TRAF3: variants seen among roughly 807,000 people sequenced by gnomAD.
The protein encoded by TRAF3 is TNF receptor-associated factor 3.
In TRAF3, 13 loss-of-function variants were observed where a neutral mutation model predicts 62.3. The ratio of observed to expected loss-of-function variants is 0.21; its 90% CI spans 0.14 to 0.33. TRAF3 has a LOEUF of 0.33. Ranked by LOEUF, TRAF3 falls within the 10% of genes least tolerant of loss-of-function variation. The pLI is 1.00. For synonymous variants in TRAF3, 269 were observed against 283.4 expected, an observed-to-expected ratio of 0.95 and a Z score of 0.51; for missense variants, 440 against 741.8, an observed-to-expected ratio of 0.59 and a Z score of 4.73.
At chr14:102,833,999 A>AG (rs1885813247) in intron 2 of TRAF3, among the ~76,000 whole-genome samples, 1 of 149,954 alleles carries the variant, frequency 6.7e-6, no homozygotes, top group African/African-American at 2.5e-5. Context: ...GGGGGGAAAA[A>AG]AAAGAATATT....
intron 1 of TRAF3, among the ~76,000 whole-genome samples, chr14:102,797,061 T>C (rs1898131205): frequency 6.6e-6 from 1 of 152,120 alleles, no homozygotes; most frequent in African/African-American, 2.4e-5. Context: ...CAGAGGGTAG[T>C]AGGCAAGGCG....
intron 2 of TRAF3, among the ~76,000 whole-genome samples, chr14:102,867,740 A>G (rs1041832546): frequency 1.3e-4 from 20 of 152,216 alleles, no homozygotes; most frequent in African/African-American, 4.8e-4. Context: ...TAGCTTGGAA[A>G]GATTAGTGAG....
chr14:102,806,375 C>T (rs183122593), intron 1 of TRAF3, among the ~76,000 whole-genome samples: 5 of 152,252 alleles, frequency 3.3e-5, no homozygotes, highest in Admixed American at 6.5e-5. Flanking sequence ...GCCCAGAAGT[C>T]CATCAAGCCA....
At chr14:102,874,293 C>T (rs546878152) in intron 4 of TRAF3, among the ~76,000 whole-genome samples, 1 of 152,150 alleles carries the variant, frequency 6.6e-6, no homozygotes, top group African/African-American at 2.4e-5. Flanking sequence ...GTCTCACTCT[C>T]TTGCCCAGGC....
chr14:102,874,746 G>T (rs1204065098), intron 4 of TRAF3, among the ~76,000 whole-genome samples: 1 of 151,818 alleles, frequency 6.6e-6, no homozygotes, highest in Non-Finnish European at 1.5e-5. Context: ...TACCTGCCAG[G>T]CTAAAGCAGT....
At chr14:102,802,461 T>C (rs1397885301) in intron 1 of TRAF3, among the ~76,000 whole-genome samples, 3 of 146,798 alleles carry the variant, frequency 2.0e-5, no homozygotes, top group Non-Finnish European at 4.5e-5. Context: ...GCCAACTGTT[T>C]AAAGACATTT....
At chr14:102,835,027 T>C (rs1255812602) in intron 2 of TRAF3, among the ~76,000 whole-genome samples, 1 of 152,108 alleles carries the variant, frequency 6.6e-6, no homozygotes, top group East Asian at 1.9e-4. Flanking sequence ...ATCCAGCATC[T>C]ATAAGGAACT....
At chr14:102,901,195 C>T (rs532969807) in intron 10 of TRAF3, among the ~76,000 whole-genome samples, 43 of 152,164 alleles carry the variant, frequency 2.8e-4, no homozygotes, top group Non-Finnish European at 5.0e-4. Flanking sequence ...GGAGACTCCC[C>T]GTTCTGTGCT....
chr14:102,823,757 C>T (rs1196465207), intron 1 of TRAF3, among the ~76,000 whole-genome samples: 2 of 152,156 alleles, frequency 1.3e-5, no homozygotes, highest in African/African-American at 4.8e-5. Context: ...TCGTCACATT[C>T]CATACAATTA....
At chr14:102,851,389 A>G (rs775066249) in intron 2 of TRAF3, among the ~76,000 whole-genome samples, 9 of 152,232 alleles carry the variant, frequency 5.9e-5, no homozygotes, top group Non-Finnish European at 1.2e-4. Context: ...TGTGGAAGAC[A>G]CGGGATTCCT....
chr14:102,788,796 TCAAAACAAAA>T (rs149315871), intron 1 of TRAF3, among the ~76,000 whole-genome samples: 3 of 150,876 alleles, frequency 2.0e-5, no homozygotes, highest in African/African-American at 7.3e-5. Context: ...AGACTCCATC[TCAAAACAAAA>T]CAAAACAAAA....
chr14:102,882,662 C>A (rs1259410739), intron 6 of TRAF3, among the ~76,000 whole-genome samples: 3 of 150,868 alleles, frequency 2.0e-5, no homozygotes. Flanking sequence ...TGTAGGGAGA[C>A]CTAAAGCCCA....
At chr14:102,902,969 C>G (rs1037109542) in intron 10 of TRAF3, 3 of 468,992 alleles carry the variant, frequency 6.4e-6, no homozygotes, top group African/African-American at 5.9e-5. Context: ...TTCCTGATGG[C>G]TCTCTGTTGA....
chr14:102,804,192 A>C (rs1012712223), intron 1 of TRAF3, among the ~76,000 whole-genome samples: 1 of 152,096 alleles, frequency 6.6e-6, no homozygotes, highest in Admixed American at 6.6e-5. Context: ...TGTTTAAAAA[A>C]AAAAACAAAA....
At chr14:102,873,613 G>A (rs1218295719) in intron 4 of TRAF3, among the ~76,000 whole-genome samples, 2 of 152,166 alleles carry the variant, frequency 1.3e-5, no homozygotes, top group African/African-American at 4.8e-5. Flanking sequence ...CTGGGCCCCG[G>A]GTGACCCGGA....
intron 2 of TRAF3, among the ~76,000 whole-genome samples, chr14:102,840,505 A>G (rs1886315064): frequency 6.6e-6 from 1 of 152,146 alleles, no homozygotes; most frequent in Non-Finnish European, 1.5e-5. Context: ...TGCTGAGATT[A>G]TTGGAGTGAG....
At chr14:102,809,486 G>A (rs535185527) in intron 1 of TRAF3, among the ~76,000 whole-genome samples, 4 of 151,056 alleles carry the variant, frequency 2.6e-5, no homozygotes, top group Non-Finnish European at 5.9e-5. Flanking sequence ...TCCCAAATGA[G>A]GATTATTTTT....
chr14:102,811,433 T>C (rs1337259305), intron 1 of TRAF3, among the ~76,000 whole-genome samples: 1 of 151,990 alleles, frequency 6.6e-6, no homozygotes, highest in Non-Finnish European at 1.5e-5. Context: ...TTAAGCAGTT[T>C]TCGCCTCAGC....
intron 2 of TRAF3, among the ~76,000 whole-genome samples, chr14:102,864,027 C>CG (rs1887830430): frequency 6.6e-6 from 1 of 152,124 alleles, no homozygotes; most frequent in African/African-American, 2.4e-5. Context: ...CCATGGAACT[C>CG]GCGGTTCTTG....
Sources: gnomAD v4.1 joint callset for allele counts (sites outside exome capture counted in the v4.1 genomes callset) on GRCh38, gnomAD v4.1.1 for gene constraint, MANE v1.5 for transcripts, NCBI Gene and HGNC (gene_info 2026-07-23, HGNC 2026-07-21) for gene names.